KLC3: variants seen among roughly 807,000 people sequenced by gnomAD.
KLC3 encodes kinesin light chain 2.
In KLC3, 72 loss-of-function variants were observed where a neutral mutation model predicts 62.9. The observed-to-expected ratio is 1.15, with a 90% CI of 0.95 to 1.39. The LOEUF is 1.39. Ranked by LOEUF, KLC3 falls within the 40% of genes most tolerant of loss-of-function variation. The pLI, the probability that KLC3 is intolerant of heterozygous loss-of-function variation, is 0.00. For synonymous variants in KLC3, 377 were observed against 300.5 expected (o/e 1.25, Z -2.63); for missense variants, 848 against 691.6 (o/e 1.23, Z -2.54).
At position 45,346,724 on chromosome 19, in the gene KLC3, C is replaced by T. The variant is rs551361908; in HGVS notation, c.439C>T (p.Leu147=). Residue 147 remains leucine, a synonymous_variant, in exon 3 of 13, where the codon CTG becomes TTG. Coordinates refer to ENST00000391946, the MANE Select transcript of KLC3 (RefSeq NM_177417.3). ...CCAGCTGGAGGAGGAGAAGCGCCAC[C>T]TGGAGTTCCTGGGGCAGCTGCGACA... ...VAQLEEEKRH[L]EFLGQLRQYD... The T allele has an allele frequency of 1.3e-6, 2 of 1,586,860 alleles. No homozygotes were observed. The highest frequency in any genetic ancestry group is 1.2e-5 in the South Asian group (1 of 86,942).
At chr19:45,351,117 T>TG in intron 12 of KLC3, 100 bp downstream of exon 12, 1 of 1,605,652 alleles carries the variant, frequency 6.2e-7, no homozygotes, top group Non-Finnish European at 8.5e-7. Flanking sequence ...AGTCAGCAGG[T>TG]GGTGGGTTGG....
At chr19:45,350,816 CCCA>C in intron 11 of KLC3, 69 bp downstream of exon 11, 1 of 1,375,102 alleles carries the variant, frequency 7.3e-7, no homozygotes, top group Non-Finnish European at 1.0e-6. Context: ...CACCCCCACC[CCCA>C]TCTTGCTCAA....
intron 5 of KLC3, 149 bp from the exon 6 acceptor site, chr19:45,348,497 G>A: frequency 4.0e-6 from 3 of 742,576 alleles, no homozygotes; most frequent in Non-Finnish European, 6.7e-6. Flanking sequence ...GCGAAATATG[G>A]AGGGGCCCAC....
At position 45,345,643 on chromosome 19, in the gene KLC3, G is replaced by A. The variant is rs1365662811; in HGVS notation, c.102G>A (p.Leu34=). The part of the protein sequence containing the change: ...VRQTRQVVQG[L]EALRAEHHGL... ...AGACGCGGCAAGTGGTCCAGGGGCT[G>A]GAGGCGCTGCGGGCAGAGCACCATG... is the stretch of plus-strand genomic sequence containing the variant. The change falls in exon 2 of 13, where the codon CTG becomes CTA. Residue 34 remains leucine (L), a synonymous_variant. Transcript: ENST00000391946. 6.3e-7 allele frequency: 1 copy of A among 1,585,112 alleles called. No individual in the cohort carries two copies. Among genetic ancestry groups the A allele is most frequent in the Non-Finnish European group, 8.6e-7 (1 of 1,167,204 alleles).
chr19:45,350,084 A>AG, intron 8 of KLC3: 1 of 512,094 alleles, frequency 2.0e-6, no homozygotes, highest in Non-Finnish European at 3.5e-6. Context: ...ACTCTGCCCC[A>AG]GGGCAAGGCT....
At position 45,350,351 on chromosome 19, in the gene KLC3, A is replaced by C. The variant is rs1453822736; in HGVS notation, c.1154A>C (p.Tyr385Ser). ...CTCCCTTCTCCGCAGGCCTCAGCCTACCTGAAACAGAACAAGTATCAACAA... is the reference window on the plus strand; with the variant it reads ...CTCCCTTCTCCGCAGGCCTCAGCCTCCCTGAAACAGAACAAGTATCAACAA... ...AKTKNNLASA[Y>S]LKQNKYQQAE... The change falls in exon 9 of 13, where the codon TAC becomes TCC. Residue 385 changes from tyrosine (Y) to serine (S), a missense_variant. Coordinates refer to ENST00000391946, the MANE Select transcript of KLC3 (RefSeq NM_177417.3). 1 of 1,613,344 alleles carries C rather than the reference A, an allele frequency of 6.2e-7. No individual in the cohort carries two copies. The highest frequency in any genetic ancestry group is 8.5e-7 in the Non-Finnish European group (1 of 1,179,926).
At position 45,347,450 on chromosome 19, in the gene KLC3, T is replaced by A. The variant is rs777777186; in HGVS notation, c.493T>A (p.Ser165Thr). The part of the protein sequence containing the change: ...QYDPPAESQQ[S>T]ESPPRRDSLA... Reference sequence around the variant, plus strand: ...CCCCACTTTCCTGTCTCTGCAGCAGTCTGAGTCCCCGCCTCGCCGAGACAG... The same window carrying A: ...CCCCACTTTCCTGTCTCTGCAGCAGACTGAGTCCCCGCCTCGCCGAGACAG... Residue 165 changes from serine (S) to threonine (T), a missense_variant, in exon 4 of 13, where the codon TCT becomes ACT. Coordinates refer to ENST00000391946, the MANE Select transcript of KLC3 (RefSeq NM_177417.3). 1 of 1,608,640 alleles carries A rather than the reference T, an allele frequency of 6.2e-7. No individual in the cohort carries two copies. Among genetic ancestry groups the A allele is most frequent in the South Asian group, 1.1e-5 (1 of 90,624 alleles).
intron 1 of KLC3, among the ~76,000 whole-genome samples, chr19:45,343,705 A>G (rs182620630): frequency 6.6e-6 from 1 of 152,296 alleles, no homozygotes; most frequent in African/African-American, 2.4e-5. Flanking sequence ...AAAGAATAGT[A>G]TATGTGTGTG....
At chr19:45,349,961 G>T in intron 8 of KLC3, 1 of 414,952 alleles carries the variant, frequency 2.4e-6, no homozygotes, top group Non-Finnish European at 4.3e-6. Flanking sequence ...CGTGTGGGAA[G>T]ACTGAGGCAC....
chr19:45,350,355 G>C lies in KLC3; in HGVS notation c.1158G>C (p.Leu386=). The C allele has an allele frequency of 1.2e-6, 2 of 1,613,282 alleles. No individual in the cohort carries two copies. The highest frequency in any genetic ancestry group is 1.7e-6 in the Non-Finnish European group (2 of 1,179,906). The change falls in exon 9 of 13, where the codon CTG becomes CTC. Residue 386 remains leucine (L), a synonymous_variant. Coordinates refer to ENST00000391946, the MANE Select transcript of KLC3 (RefSeq NM_177417.3). ...CTTCTCCGCAGGCCTCAGCCTACCTGAAACAGAACAAGTATCAACAAGCGG... is the reference window on the plus strand; with the variant it reads ...CTTCTCCGCAGGCCTCAGCCTACCTCAAACAGAACAAGTATCAACAAGCGG... ...KTKNNLASAY[L]KQNKYQQAEE...
At chr19:45,351,209 CTGGACCTGGAGCTGGAGGG>C in intron 12 of KLC3, 58 bp from the exon 13 acceptor site, 1 of 1,587,996 alleles carries the variant, frequency 6.3e-7, no homozygotes, top group African/African-American at 1.3e-5. Flanking sequence ...GGCTGCCAGG[CTGGACCTGGAGCTGGAGGG>C]TGGATGTAAC....
At chr19:45,348,278 G>T in intron 5 of KLC3, 118 bp downstream of exon 5, 1 of 927,166 alleles carries the variant, frequency 1.1e-6, no homozygotes, top group Non-Finnish European at 1.6e-6. Flanking sequence ...GTCAGGGGAG[G>T]GGACAGCAAG....
intron 7 of KLC3, 131 bp from the exon 8 acceptor site, chr19:45,349,291 TGTCCCCA>T: frequency 8.4e-6 from 7 of 836,472 alleles, no homozygotes; most frequent in Non-Finnish European, 1.1e-5. Context: ...GTATAACTTG[TGTCCCCA>T]GCCCCCAACC....
Position 45,349,521 on chromosome 19 carries a change from G to T in KLC3, c.1062G>T (p.Arg354=), listed in dbSNP as rs1338005052. 6.2e-7 allele frequency: 1 copy of T among 1,613,940 alleles called. No individual in the cohort carries two copies. Among genetic ancestry groups the T allele is most frequent in the Non-Finnish European group, 8.5e-7 (1 of 1,179,992 alleles). ...QNQGKFEDVE[R]HYARALSIYE... ...AGGGCAAGTTTGAGGACGTGGAGCG[G>T]CACTATGCCCGGGCCCTGAGCATCT... The change falls in exon 8 of 13, where the codon CGG becomes CGT. Residue 354 remains arginine, a synonymous_variant. Transcript: ENST00000391946.
chr19:45,346,428 T>C, intron 2 of KLC3, 116 bp from the exon 3 acceptor site: 1 of 873,246 alleles, frequency 1.1e-6, no homozygotes, highest in Non-Finnish European at 1.7e-6. Context: ...CTGCAGAATC[T>C]GGGGGTGTCG....
At chr19:45,349,689 G>GT in intron 8 of KLC3, 87 bp downstream of exon 8, 1 of 1,186,250 alleles carries the variant, frequency 8.4e-7, no homozygotes, top group South Asian at 1.7e-5. Flanking sequence ...GGTGAGCAAC[G>GT]TGAGGGTGGG....
intron 7 of KLC3, 76 bp from the exon 8 acceptor site, chr19:45,349,353 A>G: frequency 2.1e-6 from 3 of 1,442,934 alleles, no homozygotes; most frequent in East Asian, 2.3e-5. Flanking sequence ...CCAACTCATG[A>G]CCACCATACA....
In KLC3 at chr19:45,350,985, A is replaced by G; in HGVS notation, c.1411A>G (p.Asn471Asp). 6.2e-7 allele frequency: 1 copy of G among 1,614,040 alleles called. No homozygotes were observed. The highest frequency in any genetic ancestry group is 1.3e-5 in the African/African-American group (1 of 74,976). Reference protein sequence around the residue: ...MKRAMSLNTLNVDAPRAPGTQ... With the variant: ...MKRAMSLNTLDVDAPRAPGTQ... ...GAGAGCCATGTCACTCAACACACTG[A>G]ACGTGGATGCTCCAAGGGCTCCTGG... Residue 471 changes from asparagine to aspartate, a missense_variant, in exon 12 of 13, where the codon AAC becomes GAC. Coordinates refer to ENST00000391946, the MANE Select transcript of KLC3 (RefSeq NM_177417.3).
chr19:45,350,719 C>T lies in KLC3; in HGVS notation c.1351C>T (p.Arg451Ter), dbSNP rs551647275. 106 of 1,613,016 alleles carry T rather than the reference C, an allele frequency of 6.6e-5. 1 individual carries two copies. The Middle Eastern group carries it at 8.3e-4, about 13-fold the overall frequency. The change falls in exon 11 of 13, where the codon CGA becomes TGA. Residue 451 changes from arginine (R) to a stop codon, truncating the protein, a stop_gained. Transcript: ENST00000391946. LOFTEE classifies it high-confidence loss of function. ...AAGTGAGAAGCTGGTCTCCCGGCTC[C>T]GAGGCGAGGCGGCGGCAGGAGCAGC... ...RGSEKLVSRL[R>*]GEAAAGAAGM...
Sources: gnomAD v4.1 joint callset for allele counts (sites outside exome capture counted in the v4.1 genomes callset) on GRCh38, gnomAD v4.1.1 for gene constraint, MANE v1.5 for transcripts, NCBI Gene and HGNC (gene_info 2026-07-23, HGNC 2026-07-21) for gene names.